The following SCGB3A2 variants were observed in gnomAD, a reference collection of about 807,000 sequenced individuals.
The protein encoded by SCGB3A2 is secretoglobin family 3A member 2, also known as pneumo secretory protein 1.
SCGB3A2 carries 5 observed loss-of-function variants against 7.7 expected under a neutral mutation model. That is an observed-to-expected ratio of 0.65 (90% confidence interval 0.34 to 1.36). The LOEUF is 1.36. SCGB3A2 is among the 40% of genes most tolerant of loss of function. The pLI, the probability that SCGB3A2 is intolerant of heterozygous loss-of-function variation, is 0.04. For missense variants in SCGB3A2, 109 were observed against 103.6 expected (o/e 1.05, Z -0.23); for synonymous variants, 44 against 42.7 (o/e 1.03, Z -0.12).
chr5:147,882,115 A>AC lies in SCGB3A2; in HGVS notation c.*67dup. The AC allele has an allele frequency of 2.0e-6, 3 of 1,495,130 alleles. No homozygotes were observed. Among genetic ancestry groups the AC allele is most frequent in the Admixed American group, 1.7e-5 (1 of 59,726 alleles). 92.6% of individuals were successfully genotyped at this position (1,495,130 alleles called of 1,614,324 possible). ...GATGCTCCTATCCTCCCTGCCTGAA[A>AC]CCTGTTCTACCAATTATAGATCAAA... On this transcript the variant is annotated 3_prime_UTR_variant, in exon 3 of 3. Coordinates refer to ENST00000296694, the MANE Select transcript of SCGB3A2 (RefSeq NM_054023.5).
chr5:147,881,294 C>T, intron 1 of SCGB3A2, 152 bp from the exon 2 acceptor site: 1 of 649,068 alleles, frequency 1.5e-6, no homozygotes, highest in Non-Finnish European at 2.7e-6. Flanking sequence ...GGAGATGGAA[C>T]AGCAGGTGCA....
rs1355256246 is a variant in SCGB3A2 at position 147,881,461 on chromosome 5, T to C, written c.71T>C (p.Ile24Thr). 1 of 1,613,864 alleles carries C rather than the reference T, an allele frequency of 6.2e-7. No individual in the cohort carries two copies. Among genetic ancestry groups the C allele is most frequent in the Non-Finnish European group, 8.5e-7 (1 of 1,179,878 alleles). The change falls in exon 2 of 3, where the codon ATC becomes ACC. Residue 24 changes from isoleucine (I) to threonine (T), a missense_variant. Physicochemically the swap from Ile to Thr is moderately conservative, Grantham distance 89 (BLOSUM62 -1). Coordinates refer to ENST00000296694, the MANE Select transcript of SCGB3A2 (RefSeq NM_054023.5). Reference protein sequence around the residue: ...LCSYSATAFLINKVPLPVDKL... With the variant: ...LCSYSATAFLTNKVPLPVDKL... ...TTTCCTGCAGCTACTGCCTTCCTCATCAACAAAGTGCCCCTTCCTGTTGAC... is the reference window on the plus strand; with the variant it reads ...TTTCCTGCAGCTACTGCCTTCCTCACCAACAAAGTGCCCCTTCCTGTTGAC...
At position 147,881,562 on chromosome 5, in the gene SCGB3A2, A is replaced by C. The variant is rs750911275; in HGVS notation, c.172A>C (p.Ile58Leu). ...AAAGCTTCTTCTGAAAACTCTGGGC[A>C]TTTCTGTTGAGCACCTTGTGGAGGG... ...PLKLLLKTLG[I>L]SVEHLVEGLR... is the part of the protein sequence containing the mutation. The change falls in exon 2 of 3, where the codon ATT becomes CTT. Residue 58 changes from isoleucine to leucine, a missense_variant. Transcript: ENST00000296694. The C allele has an allele frequency of 1.2e-6, 2 of 1,613,970 alleles. No homozygotes were observed. Among genetic ancestry groups the C allele is most frequent in the South Asian group, 2.2e-5 (2 of 91,072 alleles).
chr5:147,880,211 G>A (rs1052820965), intron 1 of SCGB3A2, among the ~76,000 whole-genome samples: 1 of 152,016 alleles, frequency 6.6e-6, no homozygotes, highest in African/African-American at 2.4e-5. Context: ...AAAATACATC[G>A]TACATATTTT....
intron 1 of SCGB3A2, chr5:147,881,188 G>A (rs1757342381): frequency 2.3e-6 from 1 of 431,686 alleles, no homozygotes; most frequent in Non-Finnish European, 4.1e-6. Context: ...AGTGACTATG[G>A]CCATTGCAGG....
chr5:147,880,633 A>G (rs1757332425), intron 1 of SCGB3A2: 1 of 152,218 alleles, frequency 6.6e-6, no homozygotes, highest in South Asian at 2.1e-4. Context: ...AAATTCCTGC[A>G]GCACTCTTTC....
rs1053722208 is a variant in SCGB3A2, at chr5:147,882,157, G to A, written c.*107G>A. On this transcript the variant is annotated 3_prime_UTR_variant, in exon 3 of 3. Coordinates refer to ENST00000296694, the MANE Select transcript of SCGB3A2 (RefSeq NM_054023.5). Reference sequence around the variant, plus strand: ...TAGATCAAATGCCCTAAAATGTAGTGACCCGTGAAAAGGACAAATAAAGCA... The same window carrying A: ...TAGATCAAATGCCCTAAAATGTAGTAACCCGTGAAAAGGACAAATAAAGCA... 43 of 1,138,854 alleles carry A rather than the reference G, an allele frequency of 3.8e-5. No homozygotes were observed. The African/African-American group carries it at 5.5e-4, about 15-fold the overall frequency. The allele number at this position is 1,138,854 out of a possible 1,614,324, so 70.5% of individuals were successfully genotyped here. A position where few individuals can be genotyped will look rare whatever the true frequency, so the allele number is the denominator to read the frequency against.
chr5:147,878,714 C>A lies in SCGB3A2; in HGVS notation c.-90C>A. 1.0e-6 allele frequency: 1 copy of A among 976,910 alleles called. No individual in the cohort carries two copies. Among genetic ancestry groups the A allele is most frequent in the Non-Finnish European group, 1.7e-6 (1 of 600,534 alleles). 60.5% of individuals were successfully genotyped at this position (976,910 alleles called of 1,614,324 possible). ...TGTGTGTGCAAAAGCAGCCATCACA[C>A]TTTGTATGGCAAGTGGAACCACTGG... On this transcript the variant is annotated 5_prime_UTR_variant, in exon 1 of 3. Transcript: ENST00000296694.
In SCGB3A2 at chr5:147,881,612, G is replaced by A. The variant is rs1378778025; in HGVS notation, c.222G>A (p.Leu74=). 6.2e-7 allele frequency: 1 copy of A among 1,613,766 alleles called. No individual in the cohort carries two copies. Among genetic ancestry groups the A allele is most frequent in the Non-Finnish European group, 8.5e-7 (1 of 1,179,908 alleles). The change falls in exon 2 of 3, where the codon CTG becomes CTA. Residue 74 remains leucine, a synonymous_variant. Transcript: ENST00000296694. The stretch of plus-strand genomic sequence containing the variant: ...GGCTAAGGAAGTGTGTAAATGAGCT[G>A]GGACCAGAGGCTTCTGAAGCTGTGA... ...VEGLRKCVNE[L]GPEASEAVKK...
At chr5:147,879,748 C>A (rs1757316466) in intron 1 of SCGB3A2, among the ~76,000 whole-genome samples, 1 of 152,168 alleles carries the variant, frequency 6.6e-6, no homozygotes, top group Non-Finnish European at 1.5e-5. Flanking sequence ...TCCCAGGAAG[C>A]TGTAAACACA....
At chr5:147,879,000 A>C (rs1757304505) in intron 1 of SCGB3A2, 142 bp downstream of exon 1, 1 of 642,712 alleles carries the variant, frequency 1.6e-6, no homozygotes, top group Admixed American at 2.5e-5. Flanking sequence ...TTTAACTGAC[A>C]CATAATAATT....
intron 2 of SCGB3A2, 128 bp from the exon 3 acceptor site, chr5:147,881,899 A>G: frequency 1.0e-6 from 1 of 1,002,456 alleles, no homozygotes; most frequent in Non-Finnish European, 1.6e-6. Context: ...ATGAGACGTA[A>G]TCACTCTGAG....
rs755052157 is a variant in SCGB3A2 at position 147,881,586 on chromosome 5, G to T, written c.196G>T (p.Gly66Trp). The change falls in exon 2 of 3, where the codon GGG becomes TGG. Residue 66 changes from glycine to tryptophan, a missense_variant. Coordinates refer to ENST00000296694, the MANE Select transcript of SCGB3A2 (RefSeq NM_054023.5). ...CATTTCTGTTGAGCACCTTGTGGAG[G>T]GGCTAAGGAAGTGTGTAAATGAGCT... is the stretch of plus-strand genomic sequence containing the variant. The part of the protein sequence containing the change: ...LGISVEHLVE[G>W]LRKCVNELGP... The T allele has an allele frequency of 1.2e-6, 2 of 1,613,852 alleles. No homozygotes were observed. Among genetic ancestry groups the T allele is most frequent in the East Asian group, 4.5e-5 (2 of 44,870 alleles).
chr5:147,878,957 G>T, intron 1 of SCGB3A2, 99 bp downstream of exon 1: 2 of 785,502 alleles, frequency 2.5e-6, no homozygotes, highest in South Asian at 1.6e-5. Context: ...AGTGGAATAT[G>T]GTGGTAGGAA....
chr5:147,881,707 T>A, intron 2 of SCGB3A2, 59 bp downstream of exon 2: 1 of 1,307,714 alleles, frequency 7.6e-7, no homozygotes, highest in Non-Finnish European at 1.1e-6. Flanking sequence ...CCTGAATGTC[T>A]AGCTCCTCTT....
In SCGB3A2 at chr5:147,880,053, G is replaced by T. The variant is rs183195245; in HGVS notation, c.55+1195G>T. Among the ~76,000 whole-genome samples the T allele has an allele frequency of 3.2e-3, 489 of 151,666 alleles. 3 individuals are homozygous for T. Among genetic ancestry groups the T allele is most frequent in the African/African-American group, 0.011 (448 of 41,030 alleles). ...TTGAAAATTTAAAAAAATATATACA[G>T]GCTCCATTTTAATAATTTGAATGGG... On this transcript the variant is annotated intron_variant, in intron 1 of 2. Transcript: ENST00000296694.
intron 1 of SCGB3A2, among the ~76,000 whole-genome samples, chr5:147,879,866 T>C (rs1322155075): frequency 6.6e-6 from 1 of 152,218 alleles, no homozygotes; most frequent in African/African-American, 2.4e-5. Context: ...TTTTGATGTT[T>C]ATTGAATTTC....
At chr5:147,879,333 T>A (rs948770456) in intron 1 of SCGB3A2, among the ~76,000 whole-genome samples, 1 of 152,244 alleles carries the variant, frequency 6.6e-6, no homozygotes, top group Admixed American at 6.5e-5. Context: ...CTGAGATAGC[T>A]ACATTCATCT....
At position 147,878,740 on chromosome 5, in the gene SCGB3A2, C is replaced by T; in HGVS notation, c.-64C>T. The T allele has an allele frequency of 7.8e-7, 1 of 1,283,612 alleles. No homozygotes were observed. The highest frequency in any genetic ancestry group is 1.7e-5 in the Admixed American group (1 of 59,580). The allele number at this position is 1,283,612 out of a possible 1,614,324, so 79.5% of individuals were successfully genotyped here. On this transcript the variant is annotated 5_prime_UTR_variant, in exon 1 of 3. Coordinates refer to ENST00000296694, the MANE Select transcript of SCGB3A2 (RefSeq NM_054023.5). Reference sequence around the variant, plus strand: ...TTTGTATGGCAAGTGGAACCACTGGCTTGGTGGATTTTGCTAGATTTTTCT... The same window carrying T: ...TTTGTATGGCAAGTGGAACCACTGGTTTGGTGGATTTTGCTAGATTTTTCT...
Sources: gnomAD v4.1 joint callset for allele counts (sites outside exome capture counted in the v4.1 genomes callset) on GRCh38, gnomAD v4.1.1 for gene constraint, MANE v1.5 for transcripts, NCBI Gene and HGNC (gene_info 2026-07-23, HGNC 2026-07-21) for gene names.